Variants in PDE4D observed in about 807,000 individuals in gnomAD.
PDE4D encodes the protein 3',5'-cyclic-AMP phosphodiesterase 4D.
Under a neutral mutation model 87.4 loss-of-function variants are expected in PDE4D, and 24 were observed. The observed-to-expected ratio is 0.27, with a 90% CI of 0.20 to 0.39. The LOEUF (loss-of-function observed/expected upper bound fraction) is 0.39. Among genes scored for constraint, PDE4D ranks in the 10% least tolerant of loss-of-function variants. The probability of loss-of-function intolerance (pLI) is 1.00; values close to 1 mark genes in which losing one functional copy is unlikely to be tolerated. For missense variants in PDE4D, 714 were observed against 1,041.0 expected (o/e 0.69, Z 4.32); for synonymous variants, 384 against 383.2 (o/e 1.00, Z -0.02).
chr5:59,282,486 T>C (rs545992121), intron 1 of PDE4D, among the ~76,000 whole-genome samples: 80 of 151,496 alleles, frequency 5.3e-4, no homozygotes, highest in Admixed American at 2.4e-3. Context: ...ACTAAAAAAA[T>C]ACAAAACTTA....
At chr5:60,089,199 GA>G (rs1774846331) in intron 2 of PDE4D, among the ~76,000 whole-genome samples, 1 of 151,956 alleles carries the variant, frequency 6.6e-6, no homozygotes, top group Non-Finnish European at 1.5e-5. Context: ...TGACCTAACA[GA>G]CATTTTCAGA....
At chr5:59,655,439 A>G (rs773997671) in intron 1 of PDE4D, among the ~76,000 whole-genome samples, 14 of 152,190 alleles carry the variant, frequency 9.2e-5, no homozygotes, top group Non-Finnish European at 1.6e-4. Context: ...TGGAACTTCA[A>G]TATAAAATGT....
chr5:59,225,329 T>C (rs995219496), intron 1 of PDE4D, among the ~76,000 whole-genome samples: 5 of 152,250 alleles, frequency 3.3e-5, no homozygotes, highest in Admixed American at 6.5e-5. Context: ...TGTGAGTTTA[T>C]TTCTTGGCTC....
At chr5:60,051,239 T>C (rs567429219) in intron 2 of PDE4D, among the ~76,000 whole-genome samples, 197 of 152,304 alleles carry the variant, frequency 1.3e-3, no homozygotes, top group African/African-American at 4.5e-3. Flanking sequence ...AGAATATACA[T>C]TCTTCTTAGC....
intron 1 of PDE4D, among the ~76,000 whole-genome samples, chr5:59,592,959 T>C (rs968604674): frequency 5.9e-5 from 9 of 151,882 alleles, no homozygotes; most frequent in Non-Finnish European, 1.2e-4. Context: ...CTTAGATTAT[T>C]ATAATTTTAA....
At chr5:59,816,842 A>C (rs1769030831) in intron 1 of PDE4D, among the ~76,000 whole-genome samples, 1 of 152,190 alleles carries the variant, frequency 6.6e-6, no homozygotes, top group Admixed American at 6.5e-5. Flanking sequence ...GGGTGGGAGA[A>C]GTTACCCTGC....
At chr5:60,243,432 A>G (rs975209139) in intron 1 of PDE4D, among the ~76,000 whole-genome samples, 1 of 151,980 alleles carries the variant, frequency 6.6e-6, no homozygotes, top group African/African-American at 2.4e-5. Flanking sequence ...TTTGAAAAAT[A>G]GAGGAGGAAA....
chr5:59,777,623 T>C (rs889973648), intron 1 of PDE4D, among the ~76,000 whole-genome samples: 3 of 152,200 alleles, frequency 2.0e-5, no homozygotes, highest in East Asian at 1.9e-4. Flanking sequence ...TTGCTCCATA[T>C]GTATCTTGGC....
intron 1 of PDE4D, among the ~76,000 whole-genome samples, chr5:60,293,010 C>A (rs75842512): frequency 0.028 from 4,121 of 148,046 alleles, 165 homozygotes; most frequent in African/African-American, 0.099. Flanking sequence ...AGTGTAAATT[C>A]CCCCCTTTTT....
intron 5 of PDE4D, among the ~76,000 whole-genome samples, chr5:59,061,126 C>A (rs1056290981): frequency 6.6e-6 from 1 of 152,078 alleles, no homozygotes; most frequent in Non-Finnish European, 1.5e-5. Flanking sequence ...GAACACTATT[C>A]TTGTAAAGTC....
At chr5:59,831,866 A>T (rs1167232995) in intron 1 of PDE4D, among the ~76,000 whole-genome samples, 2 of 152,100 alleles carry the variant, frequency 1.3e-5, no homozygotes, top group African/African-American at 2.4e-5. Context: ...TATCAGATAA[A>T]AAGAAGAGCT....
intron 1 of PDE4D, among the ~76,000 whole-genome samples, chr5:60,509,269 A>G (rs1213542488): frequency 1.3e-5 from 2 of 152,158 alleles, no homozygotes; most frequent in African/African-American, 4.8e-5. Flanking sequence ...ACAGCATTAA[A>G]CGTATCATGG....
At chr5:60,122,285 A>C (rs1450987363) in intron 2 of PDE4D, among the ~76,000 whole-genome samples, 4 of 152,318 alleles carry the variant, frequency 2.6e-5, no homozygotes, top group African/African-American at 9.6e-5. Context: ...GCAGTGCCCC[A>C]GTAGGGACTC....
chr5:59,402,595 T>G (rs763080583), intron 1 of PDE4D, among the ~76,000 whole-genome samples: 9 of 148,412 alleles, frequency 6.1e-5, no homozygotes, highest in Non-Finnish European at 1.2e-4. Context: ...CAATCCAAGA[T>G]GTCTACCTAT....
At chr5:60,478,114 G>A (rs1157638383) in intron 1 of PDE4D, among the ~76,000 whole-genome samples, 1 of 152,148 alleles carries the variant, frequency 6.6e-6, no homozygotes, top group Admixed American at 6.5e-5. Context: ...GGTTGAAGGA[G>A]TCCCTTAAAT....
At chr5:60,353,503 T>A (rs917058032) in intron 1 of PDE4D, among the ~76,000 whole-genome samples, 12 of 152,222 alleles carry the variant, frequency 7.9e-5, no homozygotes, top group African/African-American at 2.9e-4. Flanking sequence ...TAGTCTCTGC[T>A]TTCCTTCCAC....
At chr5:59,304,739 A>G (rs1770971881) in intron 1 of PDE4D, among the ~76,000 whole-genome samples, 2 of 152,150 alleles carry the variant, frequency 1.3e-5, no homozygotes, top group Admixed American at 1.3e-4. Flanking sequence ...CACCCCTGGT[A>G]TGAAACCCAC....
intron 2 of PDE4D, among the ~76,000 whole-genome samples, chr5:60,129,976 T>C (rs142376930): frequency 6.6e-6 from 1 of 152,262 alleles, no homozygotes; most frequent in African/African-American, 2.4e-5. Context: ...GATTATATCA[T>C]GAAGGAGGAA....
chr5:60,184,350 G>A (rs1784609806), intron 2 of PDE4D, among the ~76,000 whole-genome samples: 1 of 152,006 alleles, frequency 6.6e-6, no homozygotes, highest in South Asian at 2.1e-4. Flanking sequence ...CTCAGTAAGA[G>A]AAAGATGTGT....
Sources: allele counts gnomAD v4.1 joint callset (sites outside exome capture counted in the v4.1 genomes callset), GRCh38; gene constraint gnomAD v4.1.1; transcripts MANE v1.5; gene names NCBI Gene and HGNC (gene_info 2026-07-23, HGNC 2026-07-21).